EFCAB7: variants seen among roughly 807,000 people sequenced by gnomAD.
The protein encoded by EFCAB7 is EF-hand calcium-binding domain-containing protein 7.
In EFCAB7, 66 loss-of-function variants were observed where a neutral mutation model predicts 77.1. That is an observed-to-expected ratio of 0.86 (90% CI 0.70 to 1.05). The LOEUF (loss-of-function observed/expected upper bound fraction) is 1.05. Among genes scored for constraint, EFCAB7 ranks in the 50% least tolerant of loss-of-function variants. The pLI, the probability that EFCAB7 is intolerant of heterozygous loss-of-function variation, is 0.00. For synonymous variants in EFCAB7, 225 were observed against 243.3 expected, an observed-to-expected ratio of 0.92 and a Z score of 0.70; for missense variants, 638 against 730.5, an observed-to-expected ratio of 0.87 and a Z score of 1.46.
At position 63,532,673 on chromosome 1, in the gene EFCAB7, G is replaced by A. The variant is rs1408745279; in HGVS notation, c.403G>A (p.Gly135Ser). ...TDLYKFLTKR[G>S]EKMTREEVNA... ...AAATCTTGTTTTTTTTTTTCAGAGA[G>A]GTGAGAAGATGACTCGAGAAGAAGT... Residue 135 changes from glycine (G) to serine (S), a missense_variant, in exon 4 of 14, where the codon GGT (glycine) becomes AGT (serine). Coordinates refer to ENST00000371088, the MANE Select transcript of EFCAB7 (RefSeq NM_032437.4). The A allele has an allele frequency of 1.3e-6, 2 of 1,590,534 alleles. No homozygotes were observed. The highest frequency in any genetic ancestry group is 1.4e-5 in the African/African-American group (1 of 72,872).
the EFCAB7 span, among the ~76,000 whole-genome samples, chr1:63,581,578 T>C: frequency 6.6e-6 from 1 of 152,186 alleles, no homozygotes; most frequent in African/African-American, 2.4e-5. Context: ...CACTTAATTG[T>C]GATATGTTAT....
chr1:63,536,141 A>C (rs1646760122), intron 6 of EFCAB7, among the ~76,000 whole-genome samples: 1 of 152,220 alleles, frequency 6.6e-6, no homozygotes, highest in African/African-American at 2.4e-5. Flanking sequence ...TGATTAAAAG[A>C]AAAGGGCATA....
intron 7 of EFCAB7, chr1:63,549,587 T>G (rs1285024750): frequency 2.3e-6 from 1 of 439,128 alleles, no homozygotes; most frequent in Admixed American, 3.0e-5. Flanking sequence ...ACCTAAACTT[T>G]TGAGACAGAT....
chr1:63,567,252 A>C (rs922962284), intron 11 of EFCAB7, among the ~76,000 whole-genome samples: 3 of 152,214 alleles, frequency 2.0e-5, no homozygotes, highest in Non-Finnish European at 4.4e-5. Flanking sequence ...CAGGAGTTCA[A>C]GACCAGTGTG....
intron 8 of EFCAB7, among the ~76,000 whole-genome samples, chr1:63,554,278 C>T (rs977337594): frequency 3.9e-5 from 6 of 152,148 alleles, no homozygotes; most frequent in African/African-American, 1.4e-4. Context: ...TTATAGGAAA[C>T]CTTTGGGCTC....
intron 7 of EFCAB7, chr1:63,547,929 G>A (rs1313482577): frequency 6.6e-6 from 1 of 152,238 alleles, no homozygotes; most frequent in Non-Finnish European, 1.5e-5. Context: ...GTTGCTCACA[G>A]AAAGTCACAA....
chr1:63,551,590 T>TG (rs201931148), intron 7 of EFCAB7, 135 bp from the exon 8 acceptor site: 8,302 of 394,600 alleles, frequency 0.021, 612 homozygotes, highest in African/African-American at 0.17. Flanking sequence ...GACTCCGTCT[T>TG]GAAAAAAAAA....
At chr1:63,551,991 T>A in intron 8 of EFCAB7, 157 bp downstream of exon 8, 1 of 234,258 alleles carries the variant, frequency 4.3e-6, no homozygotes, top group Non-Finnish European at 8.0e-6. Context: ...ATGTTTTTAA[T>A]TTAATCATAT....
chr1:63,545,817 G>C (rs1306442801), intron 6 of EFCAB7, 99 bp from the exon 7 acceptor site: 1 of 973,208 alleles, frequency 1.0e-6, no homozygotes, highest in Non-Finnish European at 1.6e-6. Context: ...GATTATATTT[G>C]ACATTTCTTT....
Position 63,525,642 on chromosome 1 carries a change from A to C in EFCAB7, c.70A>C (p.Thr24Pro). ...QKSTPSESPRTKKFPLTEEEI... is the reference protein window; with the variant it reads ...QKSTPSESPRPKKFPLTEEEI... ...ATCAACACCTTCAGAGAGTCCTCGAACAAAGAAATTTCCACTAACTGAAGA... is the reference window on the plus strand; with the variant it reads ...ATCAACACCTTCAGAGAGTCCTCGACCAAAGAAATTTCCACTAACTGAAGA... The change falls in exon 2 of 14, where the codon ACA becomes CCA. Residue 24 changes from threonine to proline, a missense_variant. Physicochemically the swap from Thr to Pro is conservative, Grantham distance 38. Coordinates refer to ENST00000371088, the MANE Select transcript of EFCAB7 (RefSeq NM_032437.4). 6.2e-7 allele frequency: 1 copy of C among 1,604,008 alleles called. No individual in the cohort carries two copies. The highest frequency in any genetic ancestry group is 1.1e-5 in the South Asian group (1 of 88,860).
intron 8 of EFCAB7, among the ~76,000 whole-genome samples, chr1:63,553,223 T>C (rs1353293969): frequency 6.6e-6 from 1 of 152,210 alleles, no homozygotes; most frequent in African/African-American, 2.4e-5. Flanking sequence ...GGAAGGATCA[T>C]GGGATAATAT....
intron 10 of EFCAB7, 62 bp from the exon 11 acceptor site, chr1:63,561,647 C>T (rs550669342): frequency 2.8e-5 from 29 of 1,033,740 alleles, no homozygotes; most frequent in Middle Eastern, 3.2e-4. Context: ...ATATCATAGA[C>T]ATTTTATTAA....
chr1:63,561,330 T>C (rs1647097692), intron 10 of EFCAB7, among the ~76,000 whole-genome samples: 1 of 152,244 alleles, frequency 6.6e-6, no homozygotes, highest in South Asian at 2.1e-4. Flanking sequence ...CTGCTGGCTT[T>C]AAGTGGCAAA....
At chr1:63,543,653 C>CA (rs1313771637) in intron 6 of EFCAB7, among the ~76,000 whole-genome samples, 1 of 152,102 alleles carries the variant, frequency 6.6e-6, no homozygotes, top group African/African-American at 2.4e-5. Context: ...AAACCGATCT[C>CA]AATGTAAATT....
chr1:63,549,967 T>C (rs1243265154), intron 7 of EFCAB7: 1 of 152,778 alleles, frequency 6.5e-6, no homozygotes, highest in Non-Finnish European at 1.5e-5. Context: ...TTGAATAATG[T>C]GATATTTTTC....
At chr1:63,575,463 TTTTA>T (rs1257237693), downstream of EFCAB7, among the ~76,000 whole-genome samples, 6 of 152,316 alleles carry the variant, frequency 3.9e-5, no homozygotes, top group African/African-American at 1.2e-4. Flanking sequence ...GAGCATATTA[TTTTA>T]TTTATTAGAG....
intron 7 of EFCAB7, chr1:63,549,033 G>A (rs1221782253): frequency 4.1e-6 from 1 of 243,096 alleles, no homozygotes; most frequent in Non-Finnish European, 8.0e-6. Context: ...CAAGAGTATA[G>A]CGCCACTATG....
chr1:63,571,460 G>A (rs1235608490), intron 13 of EFCAB7, among the ~76,000 whole-genome samples: 1 of 151,908 alleles, frequency 6.6e-6, no homozygotes, highest in African/African-American at 2.4e-5. Flanking sequence ...GATCACCTGA[G>A]GTCAGGAGTT....
intron 7 of EFCAB7, among the ~76,000 whole-genome samples, chr1:63,546,567 C>G (rs1291973050): frequency 6.6e-6 from 1 of 152,092 alleles, no homozygotes; most frequent in African/African-American, 2.4e-5. Context: ...AGGGTTTCAC[C>G]ATGTTGGCCA....
Sources: allele counts gnomAD v4.1 joint callset (sites outside exome capture counted in the v4.1 genomes callset), GRCh38; gene constraint gnomAD v4.1.1; transcripts MANE v1.5; gene names NCBI Gene and HGNC (gene_info 2026-07-23, HGNC 2026-07-21).